Variants in KPNA7 observed in about 807,000 individuals in gnomAD.
The protein encoded by KPNA7 is importin subunit alpha-8.
KPNA7 carries 54 observed loss-of-function variants against 53.7 expected under a neutral mutation model. The ratio of observed to expected loss-of-function variants is 1.01; its 90% CI spans 0.81 to 1.26. KPNA7 has a LOEUF of 1.26. KPNA7 is among the 50% of genes most tolerant of loss of function. The pLI is 0.00. For synonymous variants in KPNA7, 276 were observed against 259.3 expected (o/e 1.06, Z -0.62); for missense variants, 640 against 644.5 (o/e 0.99, Z 0.07).
In KPNA7 at chr7:99,207,407, A is replaced by G; in HGVS notation, c.60T>C (p.Asp20=). 1 of 1,551,442 alleles carries G rather than the reference A, an allele frequency of 6.4e-7. No homozygotes were observed. The highest frequency in any genetic ancestry group is 1.2e-5 in the South Asian group (1 of 84,048). Residue 20 remains aspartate (D), a synonymous_variant, in exon 2 of 11, where the codon GAT becomes GAC. Coordinates refer to ENST00000327442, the MANE Select transcript of KPNA7 (RefSeq NM_001145715.3). The part of the protein sequence containing the change: ...RRRKFKYRGK[D]VSLRRQQRMA... ...GTGGGTGCTTCATACTCACAGACAC[A>G]TCTTTGCCTCGGTACTTAAATTTTC... is the stretch of plus-strand genomic sequence containing the variant.
intron 6 of KPNA7, among the ~76,000 whole-genome samples, chr7:99,191,969 C>T (rs1240058938): frequency 1.3e-5 from 2 of 152,152 alleles, no homozygotes; most frequent in South Asian, 2.1e-4. Flanking sequence ...GAACATAGTC[C>T]TCTGGCTGCT....
At chr7:99,204,208 G>T (rs1448348054) in intron 2 of KPNA7, among the ~76,000 whole-genome samples, 2 of 151,960 alleles carry the variant, frequency 1.3e-5, no homozygotes, top group Non-Finnish European at 2.9e-5. Flanking sequence ...GCAAGACCCT[G>T]TTTCTACCAA....
the KPNA7 span, among the ~76,000 whole-genome samples, chr7:99,156,737 C>G: frequency 1.3e-5 from 2 of 152,064 alleles, no homozygotes; most frequent in Non-Finnish European, 2.9e-5. Flanking sequence ...GTTGGCCAAG[C>G]TGGTCTCAAA....
chr7:99,182,159 G>T (rs992075117), intron 8 of KPNA7, 94 bp from the exon 9 acceptor site: 4 of 902,318 alleles, frequency 4.4e-6, no homozygotes, highest in Admixed American at 5.8e-5. Flanking sequence ...GCTGGTGACA[G>T]CCAGGACTGC....
At chr7:99,163,921 A>G in the KPNA7 span, among the ~76,000 whole-genome samples, 1 of 151,974 alleles carries the variant, frequency 6.6e-6, no homozygotes, top group Non-Finnish European at 1.5e-5. Flanking sequence ...GAAAATGCAA[A>G]TCAAAACCAC....
chr7:99,195,795 G>A (rs17161617), intron 4 of KPNA7, among the ~76,000 whole-genome samples: 12,985 of 152,164 alleles, frequency 0.085, 579 homozygotes, highest in South Asian at 0.15. Flanking sequence ...AGCATTTTTC[G>A]GTATTAAATC....
chr7:99,210,064 TTAAAAAAACTCTCCTGGC>T (rs1791021631), upstream of KPNA7, among the ~76,000 whole-genome samples: 1 of 151,210 alleles, frequency 6.6e-6, no homozygotes, highest in African/African-American at 2.4e-5. Flanking sequence ...ACTCTCCTGC[TTAAAAAAACTCTCCTGGC>T]TACCCAATGA....
intron 2 of KPNA7, 21 bp from the exon 3 acceptor site, chr7:99,203,261 G>A: frequency 6.5e-7 from 1 of 1,547,452 alleles, no homozygotes; most frequent in South Asian, 1.2e-5. Flanking sequence ...AAAGAAATTG[G>A]AGCATTTAGA....
At chr7:99,180,463 C>T (rs1257924656) in intron 9 of KPNA7, among the ~76,000 whole-genome samples, 16 of 151,964 alleles carry the variant, frequency 1.1e-4, no homozygotes, top group Admixed American at 9.8e-4. Context: ...GATCACAGCA[C>T]TCCAACCTCG....
chr7:99,165,828 G>C, the KPNA7 span, among the ~76,000 whole-genome samples: 1 of 152,102 alleles, frequency 6.6e-6, no homozygotes, highest in Admixed American at 6.6e-5. Flanking sequence ...AGCTTCTCAG[G>C]TAACTGGGTG....
At chr7:99,168,176 A>C in the KPNA7 span, among the ~76,000 whole-genome samples, 2 of 152,140 alleles carry the variant, frequency 1.3e-5, no homozygotes, top group African/African-American at 4.8e-5. Flanking sequence ...ACTAGAATCT[A>C]AACCTCTTGA....
chr7:99,199,494 G>T (rs1790406164), intron 3 of KPNA7, among the ~76,000 whole-genome samples: 1 of 152,086 alleles, frequency 6.6e-6, no homozygotes, highest in Non-Finnish European at 1.5e-5. Flanking sequence ...AATTCAATGG[G>T]TAGAAAATAG....
At chr7:99,200,558 C>CATA (rs1358155171) in intron 3 of KPNA7, among the ~76,000 whole-genome samples, 28 of 152,298 alleles carry the variant, frequency 1.8e-4, no homozygotes, top group African/African-American at 6.5e-4. Flanking sequence ...AGGCTTAGTT[C>CATA]ATAACCCAGT....
At chr7:99,156,433 G>T in the KPNA7 span, among the ~76,000 whole-genome samples, 32 of 152,088 alleles carry the variant, frequency 2.1e-4, no homozygotes, top group Admixed American at 4.6e-4. Flanking sequence ...AAATTTCACC[G>T]CATTGAATCC....
At position 99,185,128 on chromosome 7, in the gene KPNA7, G is replaced by A. The variant is rs781698338; in HGVS notation, c.935C>T (p.Thr312Met). 18 of 1,551,932 alleles carry A rather than the reference G, an allele frequency of 1.2e-5. No homozygotes were observed. The highest frequency in any genetic ancestry group is 3.6e-5 in the South Asian group (3 of 84,050). Residue 312 changes from threonine (T) to methionine (M), a missense_variant, in exon 8 of 11, where the codon ACG becomes ATG. Transcript: ENST00000327442. ...PSLRTVGNIV[T>M]GTDEQTQMAI... ...CATCTGCGTCTGCTCATCTGTGCCC[G>A]TGACAATGTTCCCCACGGTGCGGAG...
At chr7:99,146,532 G>C in the KPNA7 span, among the ~76,000 whole-genome samples, 2 of 151,858 alleles carry the variant, frequency 1.3e-5, no homozygotes, top group Non-Finnish European at 2.9e-5. Flanking sequence ...TGGCTAACAT[G>C]GTGAAACCCT....
intron 10 of KPNA7, 121 bp downstream of exon 10, chr7:99,177,799 G>A (rs2150699719): frequency 3.0e-6 from 3 of 987,896 alleles, no homozygotes; most frequent in Admixed American, 2.6e-5. Context: ...TGTGGCAGGA[G>A]TGAAGACCAC....
rs1009310709 is a variant in KPNA7 at position 99,188,026 on chromosome 7, T to G, written c.900+274A>C. ...CCCTGTCCCTACTAAAAATACAAAA[T>G]GAGCCGGGCGTGGTCGTTGGCATCT... On this transcript the variant is annotated intron_variant, in intron 7 of 10. Coordinates refer to ENST00000327442, the MANE Select transcript of KPNA7 (RefSeq NM_001145715.3). Among the ~76,000 whole-genome samples, 13 of 150,630 alleles carry G rather than the reference T, an allele frequency of 8.6e-5. No individual in the cohort carries two copies. In the Admixed American group the frequency reaches 8.6e-4, roughly 10 times the overall value.
At chr7:99,166,927 C>G in the KPNA7 span, among the ~76,000 whole-genome samples, 1 of 152,158 alleles carries the variant, frequency 6.6e-6, no homozygotes, top group African/African-American at 2.4e-5. Context: ...CTAGTTACTC[C>G]CCTTTTGACC....
Sources: allele counts gnomAD v4.1 joint callset (sites outside exome capture counted in the v4.1 genomes callset), GRCh38; gene constraint gnomAD v4.1.1; transcripts MANE v1.5; gene names NCBI Gene and HGNC (gene_info 2026-07-23, HGNC 2026-07-21).